The following UBE2L3 variants were observed in gnomAD, a reference collection of about 807,000 sequenced individuals.
UBE2L3 encodes ubiquitin-conjugating enzyme E2 L3.
Under a neutral mutation model 17.8 loss-of-function variants are expected in UBE2L3, and 1 was observed. The ratio of observed to expected loss-of-function variants is 0.06; its 90% confidence interval spans 0.02 to 0.27. The LOEUF is 0.27. Ranked by LOEUF, UBE2L3 falls within the 10% of genes least tolerant of loss-of-function variation. UBE2L3 has a pLI of 1.00. For missense variants in UBE2L3, 40 were observed against 192.6 expected (o/e 0.21, Z 4.69); for synonymous variants, 44 against 68.5 (o/e 0.64, Z 1.76).
chr22:21,580,989 A>G (rs1927595685), intron 1 of UBE2L3, among the ~76,000 whole-genome samples: 1 of 150,772 alleles, frequency 6.6e-6, no homozygotes, highest in African/African-American at 2.4e-5. Flanking sequence ...CCTGGGCTCA[A>G]AGGATCGTCC....
chr22:21,573,903 A>AGACCT (rs1282957528), intron 1 of UBE2L3, among the ~76,000 whole-genome samples: 1 of 152,194 alleles, frequency 6.6e-6, no homozygotes, highest in African/African-American at 2.4e-5. Context: ...CAGAGCTAGG[A>AGACCT]GACCTCCCTC....
upstream of UBE2L3, among the ~76,000 whole-genome samples, chr22:21,566,572 C>G (rs1372385270): frequency 6.8e-6 from 1 of 146,938 alleles, no homozygotes; most frequent in African/African-American, 2.5e-5. Context: ...GGTGACAGAT[C>G]AAGACTCTGT....
At chr22:21,610,010 A>C (rs1929394900) in intron 2 of UBE2L3, among the ~76,000 whole-genome samples, 1 of 152,102 alleles carries the variant, frequency 6.6e-6, no homozygotes, top group Non-Finnish European at 1.5e-5. Context: ...TGGGCAACAG[A>C]CTCTGAAAAA....
At chr22:21,598,520 T>TTCCTTC (rs924235218) in intron 2 of UBE2L3, among the ~76,000 whole-genome samples, 2 of 151,258 alleles carry the variant, frequency 1.3e-5, no homozygotes, top group Non-Finnish European at 2.9e-5. Flanking sequence ...CTAGTTCCCT[T>TTCCTTC]TCCTTCTCCC....
At chr22:21,579,279 A>T (rs1374877255) in intron 1 of UBE2L3, among the ~76,000 whole-genome samples, 2 of 151,982 alleles carry the variant, frequency 1.3e-5, no homozygotes, top group African/African-American at 4.8e-5. Flanking sequence ...GGCGTGAGCC[A>T]CCATGCCCAG....
intron 1 of UBE2L3, among the ~76,000 whole-genome samples, chr22:21,590,390 G>A (rs1419905573): frequency 6.6e-6 from 1 of 152,050 alleles, no homozygotes; most frequent in African/African-American, 2.4e-5. Context: ...TAGAGATGGG[G>A]TTTCGCCATG....
chr22:21,568,536 A>G, intron 1 of UBE2L3, among the ~76,000 whole-genome samples: 1 of 152,108 alleles, frequency 6.6e-6, no homozygotes, highest in Non-Finnish European at 1.5e-5. Flanking sequence ...AAACGGGCCA[A>G]AGTTTATAAT....
At chr22:21,557,553 C>T (rs1365692315) in intron 1 of UBE2L3, among the ~76,000 whole-genome samples, 2 of 151,934 alleles carry the variant, frequency 1.3e-5, no homozygotes, top group Non-Finnish European at 2.9e-5. Context: ...GACAGAGTCT[C>T]GCTCTGTCAC....
intron 3 of UBE2L3, among the ~76,000 whole-genome samples, chr22:21,611,664 C>T (rs1382818334): frequency 6.6e-6 from 1 of 152,188 alleles, no homozygotes; most frequent in Non-Finnish European, 1.5e-5. Context: ...TAAACATGCT[C>T]ATTCTTCTGG....
chr22:21,621,809 G>A lies in UBE2L3; in HGVS notation c.*140G>A, dbSNP rs1216306134. On this transcript the variant is annotated 3_prime_UTR_variant, in exon 4 of 4. Transcript: ENST00000342192. ...TTGTGGCAGTTACTAACTTTCTACA[G>A]TTTTCTTAATCAAAAGTGGTCTAGG... The A allele has an allele frequency of 4.7e-6, 3 of 636,266 alleles. No homozygotes were observed. The East Asian group carries it at 8.6e-5, about 18-fold the overall frequency. 39.4% of individuals were successfully genotyped at this position (636,266 alleles called of 1,614,324 possible). A position where few individuals can be genotyped will look rare whatever the true frequency, so the allele number is the denominator to read the frequency against.
chr22:21,619,054 G>A (rs1453067931), intron 3 of UBE2L3, among the ~76,000 whole-genome samples: 1 of 152,096 alleles, frequency 6.6e-6, no homozygotes, highest in African/African-American at 2.4e-5. Flanking sequence ...CTGTTACAGG[G>A]CCATTTCTAA....
intron 1 of UBE2L3, among the ~76,000 whole-genome samples, chr22:21,590,725 G>GTATA (rs1303648804): frequency 1.3e-5 from 2 of 152,108 alleles, no homozygotes; most frequent in Admixed American, 1.3e-4. Context: ...GACGTGCATG[G>GTATA]TATACCCTGT....
intron 2 of UBE2L3, among the ~76,000 whole-genome samples, chr22:21,605,717 G>A (rs902644925): frequency 4.9e-4 from 75 of 152,288 alleles, no homozygotes; most frequent in African/African-American, 1.7e-3. Flanking sequence ...TGTTGGCCAG[G>A]CTTGTCTCAA....
chr22:21,561,767 C>T (rs1482062944), intron 1 of UBE2L3, among the ~76,000 whole-genome samples: 11 of 152,248 alleles, frequency 7.2e-5, no homozygotes, highest in South Asian at 2.1e-4. Flanking sequence ...TTGTGGGAAG[C>T]GAGGGATGTG....
chr22:21,568,091 G>A (rs1389673842), intron 1 of UBE2L3: 6 of 1,160,416 alleles, frequency 5.2e-6, no homozygotes. Flanking sequence ...CGTCGTTAAT[G>A]TGAGAGCCCG....
At chr22:21,584,333 C>T (rs370370057) in intron 1 of UBE2L3, among the ~76,000 whole-genome samples, 23 of 151,534 alleles carry the variant, frequency 1.5e-4, no homozygotes, top group South Asian at 1.0e-3. Flanking sequence ...GTCACCACCA[C>T]GCCTGGCTAA....
intron 2 of UBE2L3, among the ~76,000 whole-genome samples, chr22:21,598,888 T>A (rs907038028): frequency 1.3e-5 from 2 of 151,692 alleles, no homozygotes; most frequent in Non-Finnish European, 2.9e-5. Flanking sequence ...TCTCCCAGGC[T>A]GGAGTGCAGT....
chr22:21,575,277 A>T (rs181361), intron 1 of UBE2L3, among the ~76,000 whole-genome samples: 42,446 of 144,784 alleles, frequency 0.29, 7,180 homozygotes, highest in East Asian at 0.5. Context: ...AAAAAAAAAA[A>T]GAAAAGGAAA....
At chr22:21,596,874 G>A (rs181666569) in intron 2 of UBE2L3, among the ~76,000 whole-genome samples, 1 of 151,788 alleles carries the variant, frequency 6.6e-6, no homozygotes, top group Non-Finnish European at 1.5e-5. Context: ...TTGTTTTTAC[G>A]TTACAGCCAT....
Sources: gnomAD v4.1 joint callset for allele counts (sites outside exome capture counted in the v4.1 genomes callset) on GRCh38, gnomAD v4.1.1 for gene constraint, MANE v1.5 for transcripts, NCBI Gene and HGNC (gene_info 2026-07-23, HGNC 2026-07-21) for gene names.